Variants in KRTAP4-5 observed in about 807,000 individuals in gnomAD.
KRTAP4-5 encodes the protein keratin associated protein 4-5, also known as keratin-associated protein 4-5.
For missense variants in KRTAP4-5, 199 were observed against 233.7 expected, an observed-to-expected ratio of 0.85 and a Z score of 0.97; for synonymous variants, 73 against 83.6, an observed-to-expected ratio of 0.87 and a Z score of 0.69.
chr17:41,148,964 A>T lies in KRTAP4-5; in HGVS notation c.*258T>A, dbSNP rs942516802. ...TTTATTAATACATGAAAACAATATT[A>T]TATGAGATCATCACAGTTAGTGTCC... is the stretch of plus-strand genomic sequence containing the variant. On this transcript the variant is annotated 3_prime_UTR_variant, in exon 1 of 1. Coordinates refer to ENST00000343246, the MANE Select transcript of KRTAP4-5 (RefSeq NM_033188.4). The T allele has an allele frequency of 9.1e-6, 6 of 659,858 alleles. No homozygotes were observed. The highest frequency in any genetic ancestry group is 1.5e-5 in the Non-Finnish European group (6 of 389,480). The allele number at this position is 659,858 out of a possible 1,614,324, so 40.9% of individuals were successfully genotyped here.
In KRTAP4-5 at chr17:41,149,341, G is replaced by T; in HGVS notation, c.427C>A (p.Pro143Thr). The T allele has an allele frequency of 1.9e-6, 3 of 1,613,246 alleles. No individual in the cohort carries two copies. The highest frequency in any genetic ancestry group is 2.7e-5 in the African/African-American group (2 of 75,032). The change falls in exon 1 of 1, where the codon CCC becomes ACC. Residue 143 changes from proline (P) to threonine (T), a missense_variant. Transcript: ENST00000343246. ...PSCCESSCCR[P>T]CCCVRPVCGR... ...CAGACTGGACGCACGCAGCAGCAGG[G>T]GCGGCAGCAGCTGGATTCACAGCAA...
chr17:41,149,782 G>A lies in KRTAP4-5; in HGVS notation c.-15C>T, dbSNP rs781446260. 1 of 1,591,892 alleles carries A rather than the reference G, an allele frequency of 6.3e-7. No individual in the cohort carries two copies. Among genetic ancestry groups the A allele is most frequent in the Non-Finnish European group, 8.6e-7 (1 of 1,167,722 alleles). The stretch of plus-strand genomic sequence containing the variant: ...GAGCTGACCATGGTGTCAGAGGGTG[G>A]AGGTTCTGGGTGGATTTCTAGAAGA... On this transcript the variant is annotated 5_prime_UTR_variant, in exon 1 of 1. Coordinates refer to ENST00000343246, the MANE Select transcript of KRTAP4-5 (RefSeq NM_033188.4).
chr17:41,149,478 C>A lies in KRTAP4-5; in HGVS notation c.290G>T (p.Cys97Phe). Residue 97 changes from cysteine (C) to phenylalanine (F), a missense_variant, in exon 1 of 1, where the codon TGC becomes TTC. By Grantham distance (205) the Cys-to-Phe change is radical. Coordinates refer to ENST00000343246, the MANE Select transcript of KRTAP4-5 (RefSeq NM_033188.4). ...RTTCCRTTCC[C>F]PSCCVSSCCR... ...GCAGCTGGACACACAGCAGCTGGGG[C>A]AGCAGCAGGTGGTCCTGCAGCAGGT... 3 of 1,524,072 alleles carry A rather than the reference C, an allele frequency of 2.0e-6. No homozygotes were observed. Among genetic ancestry groups the A allele is most frequent in the South Asian group, 1.3e-5 (1 of 79,598 alleles). 94.4% of individuals were successfully genotyped at this position (1,524,072 alleles called of 1,614,324 possible).
At position 41,148,947 on chromosome 17, in the gene KRTAP4-5, T is replaced by C. The variant is rs1466091703; in HGVS notation, c.*275A>G. On this transcript the variant is annotated 3_prime_UTR_variant, in exon 1 of 1. Coordinates refer to ENST00000343246, the MANE Select transcript of KRTAP4-5 (RefSeq NM_033188.4). Reference sequence around the variant, plus strand: ...TATTAGGGAAGTGGCTGTTTATTAATACATGAAAACAATATTATATGAGAT... The same window carrying C: ...TATTAGGGAAGTGGCTGTTTATTAACACATGAAAACAATATTATATGAGAT... 9.8e-6 allele frequency: 6 copies of C among 611,696 alleles called. No individual in the cohort carries two copies. The highest frequency in any genetic ancestry group is 4.7e-5 in the South Asian group (2 of 42,352). 37.9% of individuals were successfully genotyped at this position (611,696 alleles called of 1,614,324 possible).
Position 41,149,044 on chromosome 17 carries a change from A to T in KRTAP4-5, c.*178T>A. Reference sequence around the variant, plus strand: ...AATAACTGCATTGGGGCCTGGCATAACATATTTTAATGAATGTGATTGTCT... The same window carrying T: ...AATAACTGCATTGGGGCCTGGCATATCATATTTTAATGAATGTGATTGTCT... On this transcript the variant is annotated 3_prime_UTR_variant, in exon 1 of 1. Transcript: ENST00000343246. 8.5e-7 allele frequency: 1 copy of T among 1,171,956 alleles called. No homozygotes were observed. The highest frequency in any genetic ancestry group is 2.6e-5 in the East Asian group (1 of 38,764). 72.6% of individuals were successfully genotyped at this position (1,171,956 alleles called of 1,614,324 possible). A position where few individuals can be genotyped will look rare whatever the true frequency, so the allele number is the denominator to read the frequency against.
In KRTAP4-5 at chr17:41,149,174, A is replaced by G; in HGVS notation, c.*48T>C. 1 of 1,518,552 alleles carries G rather than the reference A, an allele frequency of 6.6e-7. No homozygotes were observed. The highest frequency in any genetic ancestry group is 1.4e-5 in the African/African-American group (1 of 72,782). 94.1% of individuals were successfully genotyped at this position (1,518,552 alleles called of 1,614,324 possible). A position where few individuals can be genotyped will look rare whatever the true frequency, so the allele number is the denominator to read the frequency against. On this transcript the variant is annotated 3_prime_UTR_variant, in exon 1 of 1. Coordinates refer to ENST00000343246, the MANE Select transcript of KRTAP4-5 (RefSeq NM_033188.4). ...GACTGGCTGGCTACAGTGCATTTTA[A>G]ATGACTAATGAAGACATTCATAGTA...
rs1440557361 is a variant in KRTAP4-5 at position 41,148,965 on chromosome 17, T to C, written c.*257A>G. On this transcript the variant is annotated 3_prime_UTR_variant, in exon 1 of 1. Coordinates refer to ENST00000343246, the MANE Select transcript of KRTAP4-5 (RefSeq NM_033188.4). ...TTATTAATACATGAAAACAATATTA[T>C]ATGAGATCATCACAGTTAGTGTCCC... is the stretch of plus-strand genomic sequence containing the variant. 1.5e-6 allele frequency: 1 copy of C among 661,886 alleles called. No individual in the cohort carries two copies. Among genetic ancestry groups the C allele is most frequent in the South Asian group, 2.1e-5 (1 of 47,346 alleles). 41.0% of individuals were successfully genotyped at this position (661,886 alleles called of 1,614,324 possible).
rs779179674 is a variant in KRTAP4-5 at position 41,148,943 on chromosome 17, T to C, written c.*279A>G. 6 of 604,440 alleles carry C rather than the reference T, an allele frequency of 9.9e-6. No homozygotes were observed. The highest frequency in any genetic ancestry group is 3.7e-5 in the African/African-American group (2 of 53,982). 37.4% of individuals were successfully genotyped at this position (604,440 alleles called of 1,614,324 possible). A position where few individuals can be genotyped will look rare whatever the true frequency, so the allele number is the denominator to read the frequency against. Reference sequence around the variant, plus strand: ...TCAATATTAGGGAAGTGGCTGTTTATTAATACATGAAAACAATATTATATG... The same window carrying C: ...TCAATATTAGGGAAGTGGCTGTTTACTAATACATGAAAACAATATTATATG... On this transcript the variant is annotated 3_prime_UTR_variant, in exon 1 of 1. Coordinates refer to ENST00000343246, the MANE Select transcript of KRTAP4-5 (RefSeq NM_033188.4).
chr17:41,148,995 G>A lies in KRTAP4-5; in HGVS notation c.*227C>T, dbSNP rs544204903. 1.6e-5 allele frequency: 12 copies of A among 773,854 alleles called. No individual in the cohort carries two copies. Among genetic ancestry groups the A allele is most frequent in the Admixed American group, 3.0e-5 (1 of 33,422 alleles). 47.9% of individuals were successfully genotyped at this position (773,854 alleles called of 1,614,324 possible). Reference sequence around the variant, plus strand: ...GATCATCACAGTTAGTGTCCCCTTCGAATGAAGACACTGCTCATCTAAAAA... The same window carrying A: ...GATCATCACAGTTAGTGTCCCCTTCAAATGAAGACACTGCTCATCTAAAAA... On this transcript the variant is annotated 3_prime_UTR_variant, in exon 1 of 1. Transcript: ENST00000343246.
At position 41,149,003 on chromosome 17, in the gene KRTAP4-5, A is replaced by G; in HGVS notation, c.*219T>C. The G allele has an allele frequency of 1.2e-6, 1 of 819,602 alleles. No individual in the cohort carries two copies. The highest frequency in any genetic ancestry group is 1.9e-6 in the Non-Finnish European group (1 of 526,496). The allele number at this position is 819,602 out of a possible 1,614,324, so 50.8% of individuals were successfully genotyped here. ...CAGTTAGTGTCCCCTTCGAATGAAG[A>G]CACTGCTCATCTAAAAATAACTGCA... On this transcript the variant is annotated 3_prime_UTR_variant, in exon 1 of 1. Coordinates refer to ENST00000343246, the MANE Select transcript of KRTAP4-5 (RefSeq NM_033188.4).
rs2014815622 is a variant in KRTAP4-5 at position 41,149,748 on chromosome 17, C to A, written c.20G>T (p.Gly7Val). 6.2e-7 allele frequency: 1 copy of A among 1,611,098 alleles called. No individual in the cohort carries two copies. Among genetic ancestry groups the A allele is most frequent in the East Asian group, 2.2e-5 (1 of 44,848 alleles). The change falls in exon 1 of 1, where the codon GGC (glycine) becomes GTC (valine). Residue 7 changes from glycine (G) to valine (V), a missense_variant. Gly to Val is a moderately radical substitution (Grantham distance 109). Transcript: ENST00000343246. Reference sequence around the variant, plus strand: ...ACAGCTCTGCTCAGAGCTGACAGAGCCACAACAGGAGCTGACCATGGTGTC... The same window carrying A: ...ACAGCTCTGCTCAGAGCTGACAGAGACACAACAGGAGCTGACCATGGTGTC... Reference protein sequence around the residue: MVSSCCGSVSSEQSCGL... With the variant: MVSSCCVSVSSEQSCGL...
rs1303612654 is a variant in KRTAP4-5, at chr17:41,149,631, C to T, written c.137G>A (p.Cys46Tyr). ...CRPSCCKPQC[C>Y]QSVCYQPTCC... ...GGTGGGCTGGTAGCACACAGACTGG[C>T]AGCACTGGGGCTTGCAGCAGCTGGG... Residue 46 changes from cysteine (C) to tyrosine (Y), a missense_variant, in exon 1 of 1, where the codon TGC becomes TAC. Physicochemically the swap from Cys to Tyr is radical, Grantham distance 194. Coordinates refer to ENST00000343246, the MANE Select transcript of KRTAP4-5 (RefSeq NM_033188.4). The T allele has an allele frequency of 1.9e-6, 3 of 1,613,210 alleles. No homozygotes were observed. The highest frequency in any genetic ancestry group is 2.7e-5 in the African/African-American group (2 of 74,774).
Position 41,149,295 on chromosome 17 carries a change from G to C in KRTAP4-5, c.473C>G (p.Thr158Ser), listed in dbSNP as rs753690752. The change falls in exon 1 of 1, where the codon ACC (threonine) becomes AGC (serine). Residue 158 changes from threonine (T) to serine (S), a missense_variant. Coordinates refer to ENST00000343246, the MANE Select transcript of KRTAP4-5 (RefSeq NM_033188.4). ...RPVCGRVSCH[T>S]TCYRPTCVIS... is the part of the protein sequence containing the mutation. Reference sequence around the variant, plus strand: ...GACACAGGTTGGGCGATAGCAAGTGGTGTGGCAGGAGACTCGGCCACAGAC... The same window carrying C: ...GACACAGGTTGGGCGATAGCAAGTGCTGTGGCAGGAGACTCGGCCACAGAC... The C allele has an allele frequency of 6.2e-7, 1 of 1,610,716 alleles. No individual in the cohort carries two copies. The highest frequency in any genetic ancestry group is 8.5e-7 in the Non-Finnish European group (1 of 1,178,388).
Position 41,149,316 on chromosome 17 carries a change from C to G in KRTAP4-5, c.452G>C (p.Cys151Ser). Residue 151 changes from cysteine (C) to serine (S), a missense_variant, in exon 1 of 1, where the codon TGT becomes TCT. Coordinates refer to ENST00000343246, the MANE Select transcript of KRTAP4-5 (RefSeq NM_033188.4). ...AGTGGTGTGGCAGGAGACTCGGCCA[C>G]AGACTGGACGCACGCAGCAGCAGGG... ...CRPCCCVRPV[C>S]GRVSCHTTCY... is the part of the protein sequence containing the mutation. 1.9e-6 allele frequency: 3 copies of G among 1,611,362 alleles called. No homozygotes were observed. Among genetic ancestry groups the G allele is most frequent in the Non-Finnish European group, 2.5e-6 (3 of 1,178,692 alleles).
rs1318693926 is a variant in KRTAP4-5 at position 41,149,420 on chromosome 17, G to A, written c.348C>T (p.Cys116=). 1 of 1,613,130 alleles carries A rather than the reference G, an allele frequency of 6.2e-7. No homozygotes were observed. The highest frequency in any genetic ancestry group is 8.5e-7 in the Non-Finnish European group (1 of 1,179,578). The change falls in exon 1 of 1, where the codon TGC becomes TGT. Residue 116 remains cysteine (C), a synonymous_variant. Coordinates refer to ENST00000343246, the MANE Select transcript of KRTAP4-5 (RefSeq NM_033188.4). ...CRPQCCQSVC[C]QPTCCRPSCC... ...AGCTGGGACGGCAGCAAGTGGGCTG[G>A]CAGCACACAGACTGGCAGCACTGGG...
In KRTAP4-5 at chr17:41,149,523, T is replaced by TGGAAGCAGCTGGGGC. The variant is rs1555587470; in HGVS notation, c.244_245insGCCCCAGCTGCTTCC (p.Cys81_Gln82insArgProSerCysPhe). The TGGAAGCAGCTGGGGC allele has an allele frequency of 6.3e-7, 1 of 1,576,974 alleles. No individual in the cohort carries two copies. The highest frequency in any genetic ancestry group is 1.5e-5 in the African/African-American group (1 of 66,918). ...GCAGGTGGTCCTGCAGCAGGTGGTC[T>TGGAAGCAGCTGGGGC]GGCAGCAGCAGGGGCGGCAGCAGCT... On this transcript the variant is annotated inframe_insertion, in exon 1 of 1. Transcript: ENST00000343246.
At position 41,149,432 on chromosome 17, in the gene KRTAP4-5, C is replaced by T. The variant is rs761947432; in HGVS notation, c.336G>A (p.Gln112=). The change falls in exon 1 of 1, where the codon CAG becomes CAA. Residue 112 remains glutamine (Q), a synonymous_variant. Coordinates refer to ENST00000343246, the MANE Select transcript of KRTAP4-5 (RefSeq NM_033188.4). ...AGCAAGTGGGCTGGCAGCACACAGA[C>T]TGGCAGCACTGGGGTCTGCAGCAGC... ...VSSCCRPQCC[Q]SVCCQPTCCR... 6.2e-7 allele frequency: 1 copy of T among 1,612,890 alleles called. No individual in the cohort carries two copies. The highest frequency in any genetic ancestry group is 8.5e-7 in the Non-Finnish European group (1 of 1,179,824).
chr17:41,149,555 A>G lies in KRTAP4-5; in HGVS notation c.213T>C (p.Cys71=). The G allele has an allele frequency of 8.5e-7, 1 of 1,170,212 alleles. No individual in the cohort carries two copies. Among genetic ancestry groups the G allele is most frequent in the South Asian group, 1.6e-5 (1 of 61,824 alleles). The allele number at this position is 1,170,212 out of a possible 1,614,324, so 72.5% of individuals were successfully genotyped here. A position where few individuals can be genotyped will look rare whatever the true frequency, so the allele number is the denominator to read the frequency against. ...AGCAGGGGCGGCAGCAGCTGGATTC[A>G]CAGCAATAGGGGCGGCAGCAGCTGG... is the stretch of plus-strand genomic sequence containing the variant. ...CISSCCRPYC[C]ESSCCRPCCC... Residue 71 remains cysteine (C), a synonymous_variant, in exon 1 of 1, where the codon TGT becomes TGC. Transcript: ENST00000343246.
In KRTAP4-5 at chr17:41,149,592, C is replaced by T. The variant is rs764557907; in HGVS notation, c.176G>A (p.Ser59Asn). Residue 59 changes from serine (S) to asparagine (N), a missense_variant, in exon 1 of 1, where the codon AGC (serine) becomes AAC (asparagine). Coordinates refer to ENST00000343246, the MANE Select transcript of KRTAP4-5 (RefSeq NM_033188.4). ...GCGGCAGCAGCTGGAGATGCAGCAG[C>T]TAGGGTGGCAGCAGGTGGGCTGGTA... is the stretch of plus-strand genomic sequence containing the variant. ...VCYQPTCCHP[S>N]CCISSCCRPY... 6 of 1,556,984 alleles carry T rather than the reference C, an allele frequency of 3.9e-6. No homozygotes were observed. The Admixed American group carries it at 5.4e-5, about 14-fold the overall frequency.
Sources: allele counts gnomAD v4.1 joint callset, GRCh38; gene constraint gnomAD v4.1.1; transcripts MANE v1.5; gene names NCBI Gene and HGNC (gene_info 2026-07-23, HGNC 2026-07-21).